Variants in DNAJB4 observed in about 807,000 individuals in gnomAD.
The protein encoded by DNAJB4 is dnaJ homolog subfamily B member 4.
Under a neutral mutation model 26.6 loss-of-function variants are expected in DNAJB4, and 10 were observed. That is an observed-to-expected ratio of 0.38 (90% confidence interval 0.23 to 0.64). The LOEUF is 0.64. Among genes scored for constraint, DNAJB4 ranks in the 30% least tolerant of loss-of-function variants. The pLI, the probability that DNAJB4 is intolerant of heterozygous loss-of-function variation, is 0.58. For synonymous variants in DNAJB4, 136 were observed against 134.8 expected (o/e 1.01, Z -0.06); for missense variants, 328 against 408.2 (o/e 0.80, Z 1.69).
chr1:77,979,191 G>A (rs534236786), upstream of DNAJB4: 71 of 603,634 alleles, frequency 1.2e-4, no homozygotes, highest in African/African-American at 1.2e-3. Context: ...GTGTGGGTTA[G>A]GGCTGAGAAA....
At chr1:77,996,397 C>G (rs1223968669) in intron 1 of DNAJB4, among the ~76,000 whole-genome samples, 1 of 152,120 alleles carries the variant, frequency 6.6e-6, no homozygotes, top group African/African-American at 2.4e-5. Flanking sequence ...TCAAGTGATC[C>G]TCTCACCTCG....
rs180677723 is a variant in DNAJB4, at chr1:77,983,420, C to T, written c.-32+3098C>T. Among the ~76,000 whole-genome samples the T allele has an allele frequency of 7.9e-3, 1,210 of 152,290 alleles. 11 individuals carry two copies. Among genetic ancestry groups the T allele is most frequent in the African/African-American group, 0.021 (891 of 41,552 alleles). ...AATCCTCCTCAGCACAGACCCTTTA[C>T]GGGTGTCGGGCTTGGGGGCGGTCAG... On this transcript the variant is annotated intron_variant, in intron 1 of 2. Coordinates refer to the DNAJB4 transcript ENST00000426517.
rs1335993703 is a variant in DNAJB4, at chr1:78,013,451, TA to T, written c.618del (p.Trp208GlyfsTer43). 1 of 1,613,986 alleles carries T rather than the reference TA, an allele frequency of 6.2e-7. No individual in the cohort carries two copies. The highest frequency in any genetic ancestry group is 8.5e-7 in the Non-Finnish European group (1 of 1,179,994). The part of the protein sequence containing the change: ...SEDKILTIEI[K>X]KGWKEGTKIT... ...AGGACAAAATTCTTACCATTGAGATTAAAAAAGGGTGGAAAGAAGGCACCAA... is the reference window on the plus strand; with the variant it reads ...AGGACAAAATTCTTACCATTGAGATTAAAAAGGGTGGAAAGAAGGCACCAA... On this transcript the variant is annotated frameshift_variant, in exon 2 of 3. Transcript: ENST00000370763. LOFTEE classifies it high-confidence loss of function.
At chr1:77,982,974 C>A (rs1478756957) in intron 1 of DNAJB4, among the ~76,000 whole-genome samples, 1 of 152,112 alleles carries the variant, frequency 6.6e-6, no homozygotes, top group East Asian at 1.9e-4. Flanking sequence ...GAAAAAGACA[C>A]AAAGACAAAG....
Position 78,015,637 on chromosome 1 carries a change from C to T in DNAJB4, c.781-377C>T, listed in dbSNP as rs189972427. Among the ~76,000 whole-genome samples the T allele has an allele frequency of 1.5e-3, 226 of 149,998 alleles. 2 individuals are homozygous for T. Among genetic ancestry groups the T allele is most frequent in the African/African-American group, 5.4e-3 (219 of 40,696 alleles). ...CGATCTCGGCTCACTGCAACCTCCG[C>T]CTGCTGAGTTCAAGTGATTCTCCTG... is the stretch of plus-strand genomic sequence containing the variant. On this transcript the variant is annotated intron_variant, in intron 2 of 2. Coordinates refer to ENST00000370763, the MANE Select transcript of DNAJB4 (RefSeq NM_007034.5).
chr1:78,016,299 G>T lies in DNAJB4; in HGVS notation c.*52G>T. 6.8e-7 allele frequency: 1 copy of T among 1,469,498 alleles called. No individual in the cohort carries two copies. The highest frequency in any genetic ancestry group is 1.2e-5 in the South Asian group (1 of 83,912). 91.0% of individuals were successfully genotyped at this position (1,469,498 alleles called of 1,614,324 possible). A position where few individuals can be genotyped will look rare whatever the true frequency, so the allele number is the denominator to read the frequency against. The stretch of plus-strand genomic sequence containing the variant: ...TGATAAGGCACTGAAAATATAAAAG[G>T]ACTGGTAGTTTACTGATGTAGATGT... On this transcript the variant is annotated 3_prime_UTR_variant, in exon 3 of 3. Transcript: ENST00000370763.
chr1:78,001,624 A>G (rs1052682448), upstream of DNAJB4, among the ~76,000 whole-genome samples: 4 of 152,244 alleles, frequency 2.6e-5, no homozygotes, highest in East Asian at 5.8e-4. Flanking sequence ...TGAAGATGAC[A>G]TCAACTGAAT....
upstream of DNAJB4, among the ~76,000 whole-genome samples, chr1:78,002,286 C>G (rs2102602383): frequency 6.6e-6 from 1 of 152,238 alleles, no homozygotes; most frequent in South Asian, 2.1e-4. Flanking sequence ...AATCCCAACC[C>G]CTCCCCCAAA....
upstream of DNAJB4, among the ~76,000 whole-genome samples, chr1:78,001,421 G>T (rs1660192474): frequency 6.6e-6 from 1 of 152,046 alleles, no homozygotes; most frequent in Non-Finnish European, 1.5e-5. Context: ...ATTCACAGGT[G>T]CGATGGTAAA....
At chr1:78,009,345 A>T (rs1463173671) in intron 1 of DNAJB4, among the ~76,000 whole-genome samples, 1 of 152,172 alleles carries the variant, frequency 6.6e-6, no homozygotes, top group Non-Finnish European at 1.5e-5. Flanking sequence ...ACTTTTAGTC[A>T]ACCTTAACTA....
intron 1 of DNAJB4, among the ~76,000 whole-genome samples, chr1:77,992,141 C>T (rs139168972): frequency 5.8e-4 from 89 of 152,148 alleles, no homozygotes; most frequent in African/African-American, 1.6e-3. Flanking sequence ...AGGCCGGGCG[C>T]GGTGGCTCAC....
chr1:77,995,388 G>C (rs191470157), intron 1 of DNAJB4, among the ~76,000 whole-genome samples: 5 of 152,272 alleles, frequency 3.3e-5, no homozygotes, highest in Admixed American at 6.5e-5. Context: ...TGAAATATTA[G>C]TTTATCAAGA....
At chr1:77,995,677 T>C (rs1273559221) in intron 1 of DNAJB4, among the ~76,000 whole-genome samples, 2 of 152,226 alleles carry the variant, frequency 1.3e-5, no homozygotes, top group African/African-American at 4.8e-5. Flanking sequence ...GGTCTTGAAC[T>C]CCTAGACTCA....
Position 78,005,029 on chromosome 1 carries a change from T to G in DNAJB4, c.-82T>G. On this transcript the variant is annotated 5_prime_UTR_variant, in exon 1 of 3. It adds an upstream start codon to the 5' untranslated region. Coordinates refer to ENST00000370763, the MANE Select transcript of DNAJB4 (RefSeq NM_007034.5). The stretch of plus-strand genomic sequence containing the variant: ...TTTTAAAATACCCAGCTTGGTTTAT[T>G]TTTCTTAGAATCTGTTGCTAAGACT... 2.1e-6 allele frequency: 3 copies of G among 1,419,230 alleles called. No homozygotes were observed. Among genetic ancestry groups the G allele is most frequent in the Non-Finnish European group, 2.9e-6 (3 of 1,033,738 alleles). 87.9% of individuals were successfully genotyped at this position (1,419,230 alleles called of 1,614,324 possible).
chr1:77,982,107 C>T (rs1453072153), intron 1 of DNAJB4, among the ~76,000 whole-genome samples: 1 of 152,162 alleles, frequency 6.6e-6, no homozygotes, highest in Non-Finnish European at 1.5e-5. Context: ...GTGAGTTTAG[C>T]TTATTCCATA....
chr1:77,989,252 C>T (rs960016525), intron 1 of DNAJB4, among the ~76,000 whole-genome samples: 6 of 152,232 alleles, frequency 3.9e-5, no homozygotes, highest in Middle Eastern at 3.4e-3. Flanking sequence ...GGTATCAAAT[C>T]GTATCAAATT....
chr1:78,011,952 T>A (rs1039475963), intron 1 of DNAJB4, among the ~76,000 whole-genome samples: 2 of 148,646 alleles, frequency 1.3e-5, no homozygotes, highest in Non-Finnish European at 3.0e-5. Flanking sequence ...TATTTATATT[T>A]TTAAATGTTA....
At chr1:77,999,730 A>G (rs1660148203) in intron 1 of DNAJB4, among the ~76,000 whole-genome samples, 1 of 152,174 alleles carries the variant, frequency 6.6e-6, no homozygotes, top group Non-Finnish European at 1.5e-5. Context: ...TCTCACAATA[A>G]TCTTTGTGAG....
intron 1 of DNAJB4, among the ~76,000 whole-genome samples, chr1:77,987,836 C>G (rs1659829889): frequency 6.6e-6 from 1 of 151,718 alleles, no homozygotes; most frequent in Non-Finnish European, 1.5e-5. Flanking sequence ...CTTCAGTGAC[C>G]TTGCCAAATT....
Sources: gnomAD v4.1 joint callset for allele counts (sites outside exome capture counted in the v4.1 genomes callset) on GRCh38, gnomAD v4.1.1 for gene constraint, MANE v1.5 for transcripts, NCBI Gene and HGNC (gene_info 2026-07-23, HGNC 2026-07-21) for gene names.